Variants in PDZD2 observed in about 807,000 individuals in gnomAD.
The protein encoded by PDZD2 is PDZ domain containing 2, also known as PDZ domain-containing protein 2.
PDZD2 carries 90 observed loss-of-function variants against 220.7 expected under a neutral mutation model. The ratio of observed to expected loss-of-function variants is 0.41; its 90% CI spans 0.34 to 0.49. PDZD2 has a LOEUF of 0.49. Among genes scored for constraint, PDZD2 ranks in the 20% least tolerant of loss-of-function variants. PDZD2 has a pLI of 0.28. For synonymous variants in PDZD2, 1,375 were observed against 1,450.5 expected (o/e 0.95, Z 1.18); for missense variants, 3,174 against 3,608.5 (o/e 0.88, Z 3.08).
intron 1 of PDZD2, among the ~76,000 whole-genome samples, chr5:31,798,181 G>T (rs1389818981): frequency 6.6e-6 from 1 of 152,212 alleles, no homozygotes; most frequent in African/African-American, 2.4e-5. Flanking sequence ...GAAGGCACCT[G>T]TCTTCTCGCC....
At position 32,041,932 on chromosome 5, in the gene PDZD2, A is replaced by G. The variant is rs570520898; in HGVS notation, c.1519+4590A>G. 5.2e-4 allele frequency among the ~76,000 whole-genome samples: 77 copies of G among 148,706 alleles called. 2 individuals carry two copies. The East Asian group carries it at 0.012, about 23-fold the overall frequency. On this transcript the variant is annotated intron_variant, in intron 7 of 24. Coordinates refer to ENST00000438447, the MANE Select transcript of PDZD2 (RefSeq NM_178140.4). ...GCAAAAAAAAAAAAAAAAAACATCA[A>G]TTGCCGGGCTCGGTGGCTCACGCCT...
intron 2 of PDZD2, among the ~76,000 whole-genome samples, chr5:31,802,744 C>A (rs1173720085): frequency 6.6e-6 from 1 of 151,872 alleles, no homozygotes; most frequent in Non-Finnish European, 1.5e-5. Context: ...CATGGTGAAA[C>A]CCCGTGTCTA....
At chr5:31,869,755 C>T (rs1490007743) in intron 2 of PDZD2, among the ~76,000 whole-genome samples, 1 of 152,148 alleles carries the variant, frequency 6.6e-6, no homozygotes, top group Admixed American at 6.5e-5. Flanking sequence ...TCTTACAGCC[C>T]TCTCTGGCTC....
intron 1 of PDZD2, chr5:31,726,018 T>C: frequency 2.5e-6 from 1 of 401,324 alleles, no homozygotes; most frequent in South Asian, 3.5e-5. Flanking sequence ...CATAATGGAG[T>C]AGAAAGCGTG....
chr5:31,829,397 A>C (rs1756416248), intron 2 of PDZD2, among the ~76,000 whole-genome samples: 1 of 150,248 alleles, frequency 6.7e-6, no homozygotes, highest in African/African-American at 2.5e-5. Flanking sequence ...GCATGATCTC[A>C]GCTCACTGCA....
chr5:31,831,429 C>T (rs1756578940), intron 2 of PDZD2, among the ~76,000 whole-genome samples: 1 of 151,968 alleles, frequency 6.6e-6, no homozygotes, highest in Non-Finnish European at 1.5e-5. Context: ...TCCTGGCCAA[C>T]ATGGTGAAAC....
At chr5:31,791,464 C>G (rs1753721722) in intron 1 of PDZD2, among the ~76,000 whole-genome samples, 1 of 151,928 alleles carries the variant, frequency 6.6e-6, no homozygotes. Context: ...GTGGCGCATG[C>G]CTGTAATCCC....
intron 1 of PDZD2, among the ~76,000 whole-genome samples, chr5:31,775,704 T>TGTGTGA (rs1245790702): frequency 6.7e-6 from 1 of 150,330 alleles, no homozygotes; most frequent in Non-Finnish European, 1.5e-5. Flanking sequence ...TGTGTGTGTG[T>TGTGTGA]GTAGTCATCT....
chr5:31,991,354 C>T lies in PDZD2; in HGVS notation c.979-4222C>T, dbSNP rs115904221. ...GTTAGGGAGAGGAGAAGGCCAAAGT[C>T]GGTGGATCTGGCATCTATTTCGGAA... is the stretch of plus-strand genomic sequence containing the variant. On this transcript the variant is annotated intron_variant, in intron 3 of 24. Transcript: ENST00000438447. Among the ~76,000 whole-genome samples the T allele has an allele frequency of 4.8e-3, 725 of 152,200 alleles. 8 individuals carry two copies. The highest frequency in any genetic ancestry group is 0.016 in the African/African-American group (670 of 41,532).
intron 2 of PDZD2, among the ~76,000 whole-genome samples, chr5:31,899,097 G>T (rs963522416): frequency 1.1e-4 from 16 of 151,498 alleles, no homozygotes; most frequent in Admixed American, 2.6e-4. Flanking sequence ...AAAGTGCTGG[G>T]ATTACAGGTG....
chr5:31,686,767 AT>A (rs1746889696), intron 1 of PDZD2, among the ~76,000 whole-genome samples: 1 of 152,248 alleles, frequency 6.6e-6, no homozygotes, highest in Admixed American at 6.5e-5. Flanking sequence ...AAATAGGGAT[AT>A]GGTTTTCCAT....
intron 1 of PDZD2, among the ~76,000 whole-genome samples, chr5:31,707,785 A>G (rs565205663): frequency 7.9e-5 from 12 of 152,068 alleles, no homozygotes; most frequent in Admixed American, 5.9e-4. Flanking sequence ...CACCACCATG[A>G]CCAGGTAATT....
intron 1 of PDZD2, among the ~76,000 whole-genome samples, chr5:31,794,748 T>G (rs1236471398): frequency 2.6e-5 from 4 of 152,166 alleles, no homozygotes; most frequent in Non-Finnish European, 5.9e-5. Context: ...TATTTTTAAT[T>G]TTTGTGGGTA....
rs190803334 is a variant in PDZD2 at position 32,098,352 on chromosome 5, T to C, written c.7948-12T>C. On this transcript the variant is annotated splice_polypyrimidine_tract_variant and intron_variant, in intron 22 of 24. Coordinates refer to ENST00000438447, the MANE Select transcript of PDZD2 (RefSeq NM_178140.4). The surrounding 1 kb of genome is among the most constrained non-coding windows in gnomAD (Gnocchi z 4.1). ...ATCTGGTTTTTGTTCCCTTTTCCTTTCCTCATCCCAGGTCCACAGGGTGTT... is the reference window on the plus strand; with the variant it reads ...ATCTGGTTTTTGTTCCCTTTTCCTTCCCTCATCCCAGGTCCACAGGGTGTT... The C allele has an allele frequency of 1.9e-6, 3 of 1,610,624 alleles. No individual in the cohort carries two copies. The highest frequency in any genetic ancestry group is 2.5e-6 in the Non-Finnish European group (3 of 1,178,226).
In PDZD2 at chr5:31,886,230, A is replaced by T. The variant is rs376703035; in HGVS notation, c.476+86506A>T. Among the ~76,000 whole-genome samples the T allele has an allele frequency of 4.6e-5, 7 of 152,314 alleles. No homozygotes were observed. The South Asian group carries it at 1.0e-3, about 23-fold the overall frequency. On this transcript the variant is annotated intron_variant, in intron 2 of 24. Transcript: ENST00000438447. ...TATACAGTTTGAATAACACACTGAAAAAACAGATCAGTGCATATCTTCCAC... is the reference window on the plus strand; with the variant it reads ...TATACAGTTTGAATAACACACTGAATAAACAGATCAGTGCATATCTTCCAC...
chr5:31,753,800 A>G (rs1209108010), intron 1 of PDZD2, among the ~76,000 whole-genome samples: 1 of 152,182 alleles, frequency 6.6e-6, no homozygotes, highest in African/African-American at 2.4e-5. Flanking sequence ...CCCTGTTACC[A>G]GTTTGAGACC....
At chr5:32,102,889 C>T (rs191778906) in intron 24 of PDZD2, among the ~76,000 whole-genome samples, 12 of 152,306 alleles carry the variant, frequency 7.9e-5, no homozygotes, top group African/African-American at 2.6e-4. Context: ...AACAGCAGAG[C>T]AAGACCCTGC....
In PDZD2 at chr5:31,973,317, C is replaced by T. The variant is rs540620706; in HGVS notation, c.477-9838C>T. 2.6e-5 allele frequency among the ~76,000 whole-genome samples: 4 copies of T among 152,190 alleles called. No individual in the cohort carries two copies. In the East Asian group the frequency reaches 5.8e-4, roughly 22 times the overall value. ...TAAATTTAAGTCATTCATGATAGTT[C>T]GAGATGTGAACTTTCAAGATCAATA... On this transcript the variant is annotated intron_variant, in intron 2 of 24. Transcript: ENST00000438447.
At chr5:31,800,305 C>T (rs1218210273) in intron 2 of PDZD2, among the ~76,000 whole-genome samples, 1 of 152,206 alleles carries the variant, frequency 6.6e-6, no homozygotes, top group African/African-American at 2.4e-5. Context: ...CAGGCACAAG[C>T]TTCCAGTTGT....
Sources: gnomAD v4.1 joint callset for allele counts (sites outside exome capture counted in the v4.1 genomes callset) on GRCh38, gnomAD v4.1.1 for gene constraint, Gnocchi (gnomAD v3.1) non-coding constraint, MANE v1.5 for transcripts, NCBI Gene and HGNC (gene_info 2026-07-23, HGNC 2026-07-21) for gene names.